The following SMYD3 variants were observed in gnomAD, a reference collection of about 807,000 sequenced individuals.
The protein encoded by SMYD3 is SET and MYND domain containing 3.
SMYD3 carries 36 observed loss-of-function variants against 57.7 expected under a neutral mutation model. The ratio of observed to expected loss-of-function variants is 0.62; its 90% CI spans 0.48 to 0.82. The LOEUF (loss-of-function observed/expected upper bound fraction) is 0.82, where lower values mean the gene tolerates loss of function less well. Among genes scored for constraint, SMYD3 ranks in the 40% least tolerant of loss-of-function variants. The pLI is 0.00. For missense variants in SMYD3, 515 were observed against 538.8 expected (o/e 0.96, Z 0.44); for synonymous variants, 211 against 195.0 (o/e 1.08, Z -0.68).
Position 245,964,904 on chromosome 1 carries a change from A to G in SMYD3, c.532-34967T>C, listed in dbSNP as rs560418566. On this transcript the variant is annotated intron_variant, in intron 5 of 11. Transcript: ENST00000490107. ...ATAAAGAGGGAAAGGAACAGAAGAA[A>G]TAATATTCAAAACAATAATGACTGA... Among the ~76,000 whole-genome samples, 33 of 152,302 alleles carry G rather than the reference A, an allele frequency of 2.2e-4. 1 individual carries two copies. The South Asian group carries it at 6.8e-3, about 32-fold the overall frequency.
chr1:245,777,982 A>G (rs1331584281), intron 10 of SMYD3, among the ~76,000 whole-genome samples: 1 of 152,182 alleles, frequency 6.6e-6, no homozygotes, highest in Non-Finnish European at 1.5e-5. Flanking sequence ...CCAAAGAAAT[A>G]AAGACAGAGG....
chr1:245,842,793 C>G (rs1018120369), intron 10 of SMYD3, among the ~76,000 whole-genome samples: 3 of 152,098 alleles, frequency 2.0e-5, no homozygotes, highest in Non-Finnish European at 4.4e-5. Flanking sequence ...ACTGTTACCT[C>G]GAACTCCTGG....
intron 5 of SMYD3, among the ~76,000 whole-genome samples, chr1:246,166,083 G>C (rs6703566): frequency 0.85 from 129,314 of 151,960 alleles, 55,177 homozygotes; most frequent in Admixed American, 0.91. Flanking sequence ...CTGTGGACTA[G>C]GTTCCCCTCC....
chr1:245,892,848 A>G (rs1035485065), intron 8 of SMYD3, among the ~76,000 whole-genome samples: 7 of 152,218 alleles, frequency 4.6e-5, no homozygotes, highest in African/African-American at 1.4e-4. Context: ...TGGCTTCAAA[A>G]GACTGATCCA....
Position 246,081,310 on chromosome 1 carries a change from G to T in SMYD3, c.532-151373C>A, listed in dbSNP as rs115561821. ...TATCTAAATAGAAGCTTCAAAAGGA[G>T]ACTCTGTGCTTGTGTTTACAAACTG... On this transcript the variant is annotated intron_variant, in intron 5 of 11. Transcript: ENST00000490107. Among the ~76,000 whole-genome samples, 124 of 152,322 alleles carry T rather than the reference G, an allele frequency of 8.1e-4. 1 individual carries two copies. The highest frequency in any genetic ancestry group is 2.9e-3 in the African/African-American group (120 of 41,576).
chr1:246,067,674 C>T (rs973518897), intron 5 of SMYD3, among the ~76,000 whole-genome samples: 1 of 152,102 alleles, frequency 6.6e-6, no homozygotes, highest in Non-Finnish European at 1.5e-5. Context: ...AAGGGCGACT[C>T]GCTCCTGGAC....
At chr1:246,362,108 A>G (rs2065997456) in intron 1 of SMYD3, among the ~76,000 whole-genome samples, 2 of 152,310 alleles carry the variant, frequency 1.3e-5, no homozygotes, top group South Asian at 4.1e-4. Flanking sequence ...GTAACATAAA[A>G]TTCACTATTT....
chr1:246,097,839 A>G (rs957674723), intron 5 of SMYD3, among the ~76,000 whole-genome samples: 8 of 152,060 alleles, frequency 5.3e-5, no homozygotes, highest in Non-Finnish European at 7.4e-5. Context: ...TCTTAAATCT[A>G]GTTGGTTTTC....
intron 1 of SMYD3, among the ~76,000 whole-genome samples, chr1:246,505,943 T>A (rs76253419): frequency 0.016 from 2,476 of 152,372 alleles, 65 homozygotes; most frequent in African/African-American, 0.056. Context: ...CCCGAACAGA[T>A]GTTTTCGCTG....
intron 8 of SMYD3, among the ~76,000 whole-genome samples, chr1:245,877,478 G>A (rs903408482): frequency 6.6e-6 from 1 of 152,208 alleles, no homozygotes; most frequent in Non-Finnish European, 1.5e-5. Context: ...CTTGCAGGTG[G>A]GAGGGACTGA....
At chr1:246,249,992 G>A (rs1315571636) in intron 5 of SMYD3, among the ~76,000 whole-genome samples, 2 of 152,122 alleles carry the variant, frequency 1.3e-5, no homozygotes, top group Non-Finnish European at 2.9e-5. Flanking sequence ...CACAATTATA[G>A]AGCACATTAA....
chr1:246,293,071 T>C (rs988488336), intron 5 of SMYD3, among the ~76,000 whole-genome samples: 4 of 152,198 alleles, frequency 2.6e-5, no homozygotes, highest in Admixed American at 2.6e-4. Context: ...CTAGATCATG[T>C]ATGATGCTAT....
chr1:246,181,936 C>T (rs6682999), intron 5 of SMYD3, among the ~76,000 whole-genome samples: 4 of 151,984 alleles, frequency 2.6e-5, no homozygotes, highest in African/African-American at 7.3e-5. Flanking sequence ...CCAATGATCA[C>T]GTAGAGATAA....
At chr1:246,073,404 G>GATTTGGGGATTTTAGA (rs1306123988) in intron 5 of SMYD3, among the ~76,000 whole-genome samples, 3 of 152,128 alleles carry the variant, frequency 2.0e-5, no homozygotes, top group African/African-American at 7.2e-5. Context: ...TCAGAATTGT[G>GATTTGGGGATTTTAGA]ATTTGGGGAT....
At chr1:246,410,213 T>C (rs2066941353) in intron 1 of SMYD3, among the ~76,000 whole-genome samples, 2 of 152,148 alleles carry the variant, frequency 1.3e-5, no homozygotes, top group Non-Finnish European at 2.9e-5. Context: ...CTATATTGAA[T>C]AGGAGTGGTG....
chr1:246,016,390 T>C (rs1447475372), intron 5 of SMYD3, among the ~76,000 whole-genome samples: 1 of 151,670 alleles, frequency 6.6e-6, no homozygotes, highest in Admixed American at 6.6e-5. Context: ...CAGGACCAGC[T>C]TGGTCAACGT....
intron 5 of SMYD3, among the ~76,000 whole-genome samples, chr1:246,132,571 T>C (rs1013604802): frequency 2.6e-5 from 4 of 152,242 alleles, no homozygotes; most frequent in East Asian, 3.9e-4. Flanking sequence ...TGGCATTGGC[T>C]TGAGCAATGA....
chr1:246,418,312 C>T (rs1243815482), intron 1 of SMYD3, among the ~76,000 whole-genome samples: 2 of 152,182 alleles, frequency 1.3e-5, no homozygotes, highest in Non-Finnish European at 2.9e-5. Flanking sequence ...TTCCCTTGTC[C>T]CCCTCTGCCA....
At chr1:246,437,211 C>T (rs1572500685) in intron 1 of SMYD3, among the ~76,000 whole-genome samples, 1 of 152,128 alleles carries the variant, frequency 6.6e-6, no homozygotes, top group Non-Finnish European at 1.5e-5. Flanking sequence ...CTGCTCTTCT[C>T]CTAGAGACAA....
Sources: allele counts gnomAD v4.1 joint callset (sites outside exome capture counted in the v4.1 genomes callset), GRCh38; gene constraint gnomAD v4.1.1; transcripts MANE v1.5; gene names NCBI Gene and HGNC (gene_info 2026-07-23, HGNC 2026-07-21).